The following SLC49A3 variants were observed in gnomAD, a reference collection of about 807,000 sequenced individuals.
SLC49A3 encodes the protein solute carrier family 49 member 3.
A neutral mutation model predicts 43.8 loss-of-function variants in SLC49A3; 50 were observed. The ratio of observed to expected loss-of-function variants is 1.14; its 90% CI spans 0.91 to 1.45. The LOEUF (loss-of-function observed/expected upper bound fraction) is 1.45. Among genes scored for constraint, SLC49A3 ranks in the 40% most tolerant of loss-of-function variants. SLC49A3 has a pLI of 0.00. For synonymous variants in SLC49A3, 413 were observed against 352.0 expected, an observed-to-expected ratio of 1.17 and a Z score of -1.94; for missense variants, 906 against 774.1, an observed-to-expected ratio of 1.17 and a Z score of -2.02.
chr4:680,105 C>G (rs1295354335), downstream of SLC49A3: 1 of 1,299,156 alleles, frequency 7.7e-7, no homozygotes, highest in Non-Finnish European at 1.1e-6. Flanking sequence ...TCTCTCTTTT[C>G]CAATCTCTGG....
In SLC49A3 at chr4:689,102, G is replaced by T; in HGVS notation, c.26C>A (p.Thr9Lys). 1 of 1,462,788 alleles carries T rather than the reference G, an allele frequency of 6.8e-7. No homozygotes were observed. 90.6% of individuals were successfully genotyped at this position (1,462,788 alleles called of 1,614,324 possible). A position where few individuals can be genotyped will look rare whatever the true frequency, so the allele number is the denominator to read the frequency against. MAGPTEAE[T>K]GLAEPRALCA... ...CAGGGCCCGGGGCTCGGCCAACCCC[G>T]TCTCGGCCTCCGTCGGCCCCGCCAT... is the stretch of plus-strand genomic sequence containing the variant. The change falls in exon 1 of 10, where the codon ACG becomes AAG. Residue 9 changes from threonine to lysine, a missense_variant. By Grantham distance (78) the Thr-to-Lys change is moderately conservative (BLOSUM62 -1). Transcript: ENST00000322224.
downstream of SLC49A3, among the ~76,000 whole-genome samples, chr4:679,727 G>A (rs1473886041): frequency 1.3e-5 from 2 of 152,160 alleles, no homozygotes; most frequent in Non-Finnish European, 2.9e-5. Context: ...TGGGGCTCAC[G>A]GTTTGGGGTG....
downstream of SLC49A3, among the ~76,000 whole-genome samples, chr4:681,641 C>G (rs1409617850): frequency 1.4e-5 from 1 of 70,758 alleles, no homozygotes. Context: ...TCCAGCGCCG[C>G]CCCGCCCCCT....
intron 6 of SLC49A3, among the ~76,000 whole-genome samples, chr4:684,117 C>T (rs1740482436): frequency 6.6e-6 from 1 of 152,208 alleles, no homozygotes; most frequent in African/African-American, 2.4e-5. Context: ...GCGAGCAGAG[C>T]AAGGCCCTCC....
At chr4:684,397 C>T (rs1577357702) in intron 6 of SLC49A3, 86 bp downstream of exon 6, 1 of 1,559,022 alleles carries the variant, frequency 6.4e-7, no homozygotes, top group South Asian at 1.2e-5. Context: ...GGGTCGGACA[C>T]TGGGCACCCT....
chr4:682,768 A>G lies in SLC49A3; in HGVS notation c.1261+13T>C, dbSNP rs1560164138. The G allele has an allele frequency of 1.9e-6, 3 of 1,553,200 alleles. No individual in the cohort carries two copies. The highest frequency in any genetic ancestry group is 1.8e-6 in the Non-Finnish European group (2 of 1,141,806). ...CTGTCCTGTTCCCTGGGGACTCCCC[A>G]TGTGAGGCTCACCTGTCCAGTCAAG... On this transcript the variant is annotated intron_variant, in intron 9 of 9. Transcript: ENST00000322224.
chr4:691,354 G>A (rs2109479004), upstream of SLC49A3, among the ~76,000 whole-genome samples: 1 of 151,732 alleles, frequency 6.6e-6, no homozygotes, highest in African/African-American at 2.4e-5. Flanking sequence ...AGCACTTTGG[G>A]AGGCCGAGGT....
chr4:680,127 G>A (rs1343000313), downstream of SLC49A3: 1 of 1,093,220 alleles, frequency 9.1e-7, no homozygotes, highest in East Asian at 2.6e-5. Flanking sequence ...GAAGCCCTAG[G>A]GCCTGGCACT....
At chr4:676,969 C>T (rs1577326667), downstream of SLC49A3, 9 of 978,812 alleles carry the variant, frequency 9.2e-6, no homozygotes, top group South Asian at 4.3e-4. Flanking sequence ...ATGTGTCCCT[C>T]AGGGGGTAGG....
At position 681,871 on chromosome 4, in the gene SLC49A3, G is replaced by C. The variant is rs766477242; in HGVS notation, c.*87C>G. 2 of 1,310,432 alleles carry C rather than the reference G, an allele frequency of 1.5e-6. No individual in the cohort carries two copies. Among genetic ancestry groups the C allele is most frequent in the Admixed American group, 3.1e-5 (1 of 32,260 alleles). 81.2% of individuals were successfully genotyped at this position (1,310,432 alleles called of 1,614,324 possible). On this transcript the variant is annotated 3_prime_UTR_variant, in exon 10 of 10. Coordinates refer to ENST00000322224, the MANE Select transcript of SLC49A3 (RefSeq NM_032219.4). ...AATTCGCTCCCGGAGCCCGCAAGGA[G>C]CCCTTTCGCCCCCGCCCGCAGGTGG...
intron 2 of SLC49A3, 77 bp downstream of exon 2, chr4:686,455 A>G: frequency 1.3e-6 from 2 of 1,567,900 alleles, no homozygotes; most frequent in Non-Finnish European, 1.7e-6. Context: ...CGGTCTGGGG[A>G]GGCCTTGACT....
At chr4:682,946 T>C in intron 8 of SLC49A3, 56 bp from the exon 9 acceptor site, 1 of 1,426,778 alleles carries the variant, frequency 7.0e-7, no homozygotes, top group Non-Finnish European at 9.5e-7. Context: ...CGGAGCCAGG[T>C]GCCACCTTGG....
downstream of SLC49A3, chr4:680,545 A>G (rs1337001361): frequency 5.6e-6 from 9 of 1,613,470 alleles, no homozygotes; most frequent in Admixed American, 1.7e-5. Context: ...AACGCCTTCA[A>G]GATGCTGGAC....
downstream of SLC49A3, chr4:678,106 CG>C (rs537043404): frequency 8.0e-4 from 1,274 of 1,594,172 alleles, 29 homozygotes; most frequent in Admixed American, 0.021. Context: ...TGCGCACAGA[CG>C]AGCGTGGGCG....
In SLC49A3 at chr4:682,285, C is replaced by G; in HGVS notation, c.1353G>C (p.Glu451Asp). The G allele has an allele frequency of 7.4e-7, 1 of 1,354,014 alleles. No homozygotes were observed. The highest frequency in any genetic ancestry group is 2.0e-5 in the South Asian group (1 of 48,930). The allele number at this position is 1,354,014 out of a possible 1,614,324, so 83.9% of individuals were successfully genotyped here. ...TACGGGTGGAGGGGGGCTCCCCAGA[C>G]TCGGCCTGCAGGCGCCGGTATGGGG... ...FHTPYRRLQAESGEPPSTRNA... is the reference protein window; with the variant it reads ...FHTPYRRLQADSGEPPSTRNA... The change falls in exon 10 of 10, where the codon GAG becomes GAC. Residue 451 changes from glutamate to aspartate, a missense_variant. Glu to Asp is a conservative substitution (Grantham distance 45). Transcript: ENST00000322224.
downstream of SLC49A3, chr4:678,551 G>C: frequency 6.7e-7 from 1 of 1,482,402 alleles, no homozygotes; most frequent in Non-Finnish European, 9.0e-7. Context: ...CCAGCCCGAA[G>C]GGCTGAGGTC....
At chr4:686,385 C>G in intron 2 of SLC49A3, 83 bp from the exon 3 acceptor site, 1 of 1,576,110 alleles carries the variant, frequency 6.3e-7, no homozygotes. Flanking sequence ...ACCTGGACCT[C>G]CCACTGCCGC....
In SLC49A3 at chr4:683,253, G is replaced by A. The variant is rs1211704119; in HGVS notation, c.1108C>T (p.Pro370Ser). The A allele has an allele frequency of 9.3e-6, 15 of 1,612,694 alleles. No individual in the cohort carries two copies. The highest frequency in any genetic ancestry group is 1.3e-5 in the African/African-American group (1 of 74,882). ...CCTGTGGCAGCCCCCTCCCCCACGG[G>A]GAAGGAACACTCGACCGCCAACTCC... ...AMELAVECSF[P>S]VGEGAATGMI... The change falls in exon 8 of 10, where the codon CCC (proline) becomes TCC (serine). Residue 370 changes from proline (P) to serine (S), a missense_variant. Pro to Ser is a moderately conservative substitution (Grantham distance 74, BLOSUM62 -1). Transcript: ENST00000322224.
At chr4:676,878 C>A, downstream of SLC49A3, 1 of 985,348 alleles carries the variant, frequency 1.0e-6, no homozygotes, top group Non-Finnish European at 1.2e-6. Flanking sequence ...GGGTCCTCAA[C>A]CTCAGGAGTC....
Sources: allele counts gnomAD v4.1 joint callset (sites outside exome capture counted in the v4.1 genomes callset), GRCh38; gene constraint gnomAD v4.1.1; transcripts MANE v1.5; gene names NCBI Gene and HGNC (gene_info 2026-07-23, HGNC 2026-07-21).